The following NFIC variants were observed in gnomAD, a reference collection of about 807,000 sequenced individuals.
NFIC encodes the protein nuclear factor I C, also known as nuclear factor 1 C-type.
NFIC carries 12 observed loss-of-function variants against 54.4 expected under a neutral mutation model. That is an observed-to-expected ratio of 0.22 (90% CI 0.14 to 0.36). The LOEUF (loss-of-function observed/expected upper bound fraction) is 0.36. NFIC is among the 10% of genes least tolerant of loss of function. The pLI is 1.00. For missense variants in NFIC, 575 were observed against 718.2 expected (o/e 0.80, Z 2.28); for synonymous variants, 322 against 319.2 (o/e 1.01, Z -0.09).
At chr19:3,462,601 A>G (rs1158931504) in intron 10 of NFIC, 151 bp from the exon 11 acceptor site, 5 of 866,358 alleles carry the variant, frequency 5.8e-6, no homozygotes, top group Admixed American at 2.0e-5. Context: ...GCAGGTTGTT[A>G]GAGCCTGGGA....
intron 2 of NFIC, among the ~76,000 whole-genome samples, chr19:3,384,199 C>A (rs1436043400): frequency 6.6e-6 from 1 of 150,906 alleles, no homozygotes; most frequent in African/African-American, 2.4e-5. Flanking sequence ...GGACTATAGG[C>A]GCACACCACC....
At chr19:3,396,267 C>G (rs1382654809) in intron 2 of NFIC, among the ~76,000 whole-genome samples, 6 of 151,362 alleles carry the variant, frequency 4.0e-5, no homozygotes, top group African/African-American at 1.5e-4. Context: ...GTGAGGAGAT[C>G]CAGACCATCC....
Position 3,463,726 on chromosome 19 carries a change from C to A in NFIC, c.*957C>A, listed in dbSNP as rs2082675892. Reference sequence around the variant, plus strand: ...CACACACTGTAAGAAATGCACTTTCCGAGGAAGGGGATGGGGGAGCCCGGA... The same window carrying A: ...CACACACTGTAAGAAATGCACTTTCAGAGGAAGGGGATGGGGGAGCCCGGA... On this transcript the variant is annotated 3_prime_UTR_variant, in exon 11 of 11. Transcript: ENST00000443272. 1.0e-6 allele frequency: 1 copy of A among 984,204 alleles called. No homozygotes were observed. Among genetic ancestry groups the A allele is most frequent in the South Asian group, 4.7e-5 (1 of 21,236 alleles). 61.0% of individuals were successfully genotyped at this position (984,204 alleles called of 1,614,324 possible).
intron 3 of NFIC, among the ~76,000 whole-genome samples, chr19:3,429,927 G>C (rs2082095274): frequency 6.6e-6 from 1 of 152,186 alleles, no homozygotes; most frequent in African/African-American, 2.4e-5. Context: ...GCGGTTGCCA[G>C]GCGCTGTTCT....
In NFIC at chr19:3,369,318, T is replaced by C. The variant is rs1364052695; in HGVS notation, c.30+2652T>C. 6.6e-6 allele frequency among the ~76,000 whole-genome samples: 1 copy of C among 151,420 alleles called. No individual in the cohort carries two copies. Among genetic ancestry groups the C allele is most frequent in the Non-Finnish European group, 1.5e-5 (1 of 67,498 alleles). On this transcript the variant is annotated intron_variant, in intron 1 of 10. Coordinates refer to ENST00000443272, the MANE Select transcript of NFIC (RefSeq NM_001245002.2). This position sits in a 1 kb window ranked among gnomAD's most constrained non-coding sequence, Gnocchi z 4.3. ...CTTCCCTTTCTCCTCTGTCTCTGCG[T>C]GTCTCCCCTTGCCCCCTCTCTCCCT...
rs1439431287 is a variant in NFIC, at chr19:3,463,176, GAGGC to G, written c.*408_*411del. 3 of 1,073,822 alleles carry G rather than the reference GAGGC, an allele frequency of 2.8e-6. No individual in the cohort carries two copies. The highest frequency in any genetic ancestry group is 8.9e-5 in the East Asian group (1 of 11,276). The allele number at this position is 1,073,822 out of a possible 1,614,324, so 66.5% of individuals were successfully genotyped here. The stretch of plus-strand genomic sequence containing the variant: ...ACGCCGGCCGCCCGCCCGCGCCCCG[GAGGC>G]CCTGGCTCTGTCCGGAGACCAGGTG... On this transcript the variant is annotated 3_prime_UTR_variant, in exon 11 of 11. Transcript: ENST00000443272.
At position 3,454,364 on chromosome 19, in the gene NFIC, C is replaced by T. The variant is rs529589430; in HGVS notation, c.1423+448C>T. On this transcript the variant is annotated intron_variant, in intron 9 of 10. Coordinates refer to ENST00000443272, the MANE Select transcript of NFIC (RefSeq NM_001245002.2). ...GTTTTACATAAACATTTCCAGAGTT[C>T]TGGCTTCTTGGGGAGAAAGGAGCTA... 1.6e-5 allele frequency: 12 copies of T among 770,694 alleles called. 1 individual carries two copies. In the East Asian group the frequency reaches 1.4e-3, roughly 88 times the overall value. The allele number at this position is 770,694 out of a possible 1,614,324, so 47.7% of individuals were successfully genotyped here.
intron 6 of NFIC, among the ~76,000 whole-genome samples, chr19:3,439,902 A>G (rs2082266408): frequency 6.6e-6 from 1 of 151,512 alleles, no homozygotes; most frequent in East Asian, 2.0e-4. Context: ...GTTAGCCAGG[A>G]TGGTCTCGAT....
Position 3,463,242 on chromosome 19 carries a change from G to A in NFIC, c.*473G>A. ...GAGCCTGTGCCCAGGGCCGACAGGCGCGACACCCAGCAAGGCCACCTCTCC... is the reference window on the plus strand; with the variant it reads ...GAGCCTGTGCCCAGGGCCGACAGGCACGACACCCAGCAAGGCCACCTCTCC... On this transcript the variant is annotated 3_prime_UTR_variant, in exon 11 of 11. Coordinates refer to ENST00000443272, the MANE Select transcript of NFIC (RefSeq NM_001245002.2). 1.0e-6 allele frequency: 1 copy of A among 992,092 alleles called. No homozygotes were observed. Among genetic ancestry groups the A allele is most frequent in the South Asian group, 4.6e-5 (1 of 21,794 alleles). The allele number at this position is 992,092 out of a possible 1,614,324, so 61.5% of individuals were successfully genotyped here.
rs2082615884 is a variant in NFIC at position 3,459,912 on chromosome 19, C to G, written c.1510-2840C>G. On this transcript the variant is annotated intron_variant, in intron 10 of 10. Coordinates refer to ENST00000443272, the MANE Select transcript of NFIC (RefSeq NM_001245002.2). This position sits in a 1 kb window ranked among gnomAD's most constrained non-coding sequence, Gnocchi z 4.2. ...GCAGCGGTGGGGGGCGGCCCCACCT[C>G]TAACCTCAGTTGGGGAGTGGAGGGG... 6.6e-6 allele frequency among the ~76,000 whole-genome samples: 1 copy of G among 152,162 alleles called. No individual in the cohort carries two copies. The highest frequency in any genetic ancestry group is 2.1e-4 in the South Asian group (1 of 4,834).
At chr19:3,430,958 G>C (rs1270459035) in intron 3 of NFIC, among the ~76,000 whole-genome samples, 1 of 147,308 alleles carries the variant, frequency 6.8e-6, no homozygotes, top group South Asian at 2.2e-4. Context: ...AAAAGAAAAA[G>C]AAAGAAAGAA....
At chr19:3,363,265 ATATATT>A (rs1474570778), upstream of NFIC, among the ~76,000 whole-genome samples, 434 of 48,560 alleles carry the variant, frequency 8.9e-3, no homozygotes, top group African/African-American at 0.04. Context: ...ATATATATAT[ATATATT>A]TTTTTTTTTT....
At chr19:3,386,458 G>C (rs779996163) in intron 2 of NFIC, among the ~76,000 whole-genome samples, 6 of 151,510 alleles carry the variant, frequency 4.0e-5, no homozygotes, top group Non-Finnish European at 5.9e-5. Flanking sequence ...GAGTAGCTGA[G>C]ATTACAGGCG....
rs1368760331 is a variant in NFIC, at chr19:3,449,026, C to T, written c.971C>T (p.Pro324Leu). The change falls in exon 7 of 11, where the codon CCG becomes CTG. Residue 324 changes from proline (P) to leucine (L), a missense_variant. Pro to Leu is a moderately conservative substitution (Grantham distance 98). Coordinates refer to ENST00000443272, the MANE Select transcript of NFIC (RefSeq NM_001245002.2). ...ATCCCCTCCACAGGCATCTCGTCCC[C>T]GGTGAAGAAGACAGAGATGGACAAG... is the stretch of plus-strand genomic sequence containing the variant. ...TEDMEGGISS[P>L]VKKTEMDKSP... The T allele has an allele frequency of 3.7e-6, 6 of 1,612,706 alleles. No homozygotes were observed. Among genetic ancestry groups the T allele is most frequent in the East Asian group, 2.2e-5 (1 of 44,852 alleles).
At chr19:3,392,067 CTTTTTTT>C (rs781703569) in intron 2 of NFIC, among the ~76,000 whole-genome samples, 10 of 101,322 alleles carry the variant, frequency 9.9e-5, no homozygotes, top group African/African-American at 3.9e-4. Flanking sequence ...GATAATAGCT[CTTTTTTT>C]TTTTTTTTTT....
chr19:3,421,255 T>C (rs760216167), intron 2 of NFIC, among the ~76,000 whole-genome samples: 3 of 147,408 alleles, frequency 2.0e-5, no homozygotes, highest in Admixed American at 6.6e-5. Context: ...AGCTGGGCAC[T>C]GCGGCCTGCT....
rs1177165154 is a variant in NFIC, at chr19:3,458,633, G to C, written c.1509+1998G>C. 2.0e-5 allele frequency among the ~76,000 whole-genome samples: 3 copies of C among 151,932 alleles called. No homozygotes were observed. The highest frequency in any genetic ancestry group is 4.4e-5 in the Non-Finnish European group (3 of 67,958). ...GACCAGGGCTGGCAGAATGGGGTGT[G>C]GGGGGGCACTGGCAAGGGGCTCAGC... is the stretch of plus-strand genomic sequence containing the variant. On this transcript the variant is annotated intron_variant, in intron 10 of 10. Transcript: ENST00000443272. The surrounding 1 kb of genome is among the most constrained non-coding windows in gnomAD (Gnocchi z 4.1).
At chr19:3,400,103 A>T (rs528030131) in intron 2 of NFIC, among the ~76,000 whole-genome samples, 71 of 152,314 alleles carry the variant, frequency 4.7e-4, no homozygotes, top group South Asian at 1.7e-3. Context: ...CTTTGCAGCC[A>T]ATAAATATTT....
chr19:3,464,275 T>TTTCGGGGGG lies in NFIC; in HGVS notation c.*1512_*1520dup. On this transcript the variant is annotated 3_prime_UTR_variant, in exon 11 of 11. Transcript: ENST00000443272. ...GGTCCCCGCTCGGAACGGGGAGGGT[T>TTTCGGGGGG]TTCGGGGGGTTCGGCGTCGCACCTT... 1 of 985,202 alleles carries TTTCGGGGGG rather than the reference T, an allele frequency of 1.0e-6. No individual in the cohort carries two copies. The highest frequency in any genetic ancestry group is 4.7e-5 in the South Asian group (1 of 21,274). 61.0% of individuals were successfully genotyped at this position (985,202 alleles called of 1,614,324 possible).
Sources: allele counts gnomAD v4.1 joint callset (sites outside exome capture counted in the v4.1 genomes callset), GRCh38; gene constraint gnomAD v4.1.1; non-coding constraint Gnocchi (gnomAD v3.1); transcripts MANE v1.5; gene names NCBI Gene and HGNC (gene_info 2026-07-23, HGNC 2026-07-21).